Variants in NLRP9 observed in about 807,000 individuals in gnomAD.
The protein encoded by NLRP9 is NACHT, LRR and PYD domains-containing protein 9.
Under a neutral mutation model 83.1 loss-of-function variants are expected in NLRP9, and 88 were observed. That is an observed-to-expected ratio of 1.06 (90% confidence interval 0.89 to 1.26). NLRP9 has a LOEUF of 1.26. Ranked by LOEUF, NLRP9 falls within the 50% of genes most tolerant of loss-of-function variation. The pLI is 0.00. For missense variants in NLRP9, 1,308 were observed against 1,179.3 expected (o/e 1.11, Z -1.60); for synonymous variants, 521 against 447.6 (o/e 1.16, Z -2.07).
In NLRP9 at chr19:55,716,786, C is replaced by G. The variant is rs760516432; in HGVS notation, c.2272G>C (p.Gly758Arg). ...AGGGCTTCACACAGCAACGTCATTC[C>G]TTCGTCCCTCAAGGGATTTTCTACC... ...SLVENPLRDEGMTLLCEALKH... is the reference protein window; with the variant it reads ...SLVENPLRDERMTLLCEALKH... The change falls in exon 5 of 9, where the codon GGA becomes CGA. Residue 758 changes from glycine to arginine, a missense_variant. Physicochemically the swap from Gly to Arg is moderately radical, Grantham distance 125. Coordinates refer to ENST00000332836, the MANE Select transcript of NLRP9 (RefSeq NM_176820.4). 1 of 1,613,926 alleles carries G rather than the reference C, an allele frequency of 6.2e-7. No homozygotes were observed. Among genetic ancestry groups the G allele is most frequent in the Non-Finnish European group, 8.5e-7 (1 of 1,179,932 alleles).
chr19:55,724,617 T>C (rs1988345135), intron 3 of NLRP9, among the ~76,000 whole-genome samples: 1 of 151,524 alleles, frequency 6.6e-6, no homozygotes, highest in Non-Finnish European at 1.5e-5. Flanking sequence ...AAAGAGACAA[T>C]GTTATGTAGT....
intron 1 of NLRP9, among the ~76,000 whole-genome samples, chr19:55,736,339 T>C (rs1025432351): frequency 6.6e-6 from 1 of 151,756 alleles, no homozygotes; most frequent in African/African-American, 2.4e-5. Flanking sequence ...TGCAGTGAGC[T>C]GAGATCGCGC....
Position 55,732,229 on chromosome 19 carries a change from T to C in NLRP9, c.1602A>G (p.Glu534=), listed in dbSNP as rs781547714. 2.5e-6 allele frequency: 4 copies of C among 1,614,062 alleles called. No individual in the cohort carries two copies. Among genetic ancestry groups the C allele is most frequent in the Non-Finnish European group, 3.4e-6 (4 of 1,179,892 alleles). Residue 534 remains glutamate (E), a synonymous_variant, in exon 2 of 9, where the codon GAA becomes GAG. Coordinates refer to ENST00000332836, the MANE Select transcript of NLRP9 (RefSeq NM_176820.4). ...GGAAAGCTATGGCTTCCCTATCAGC[T>C]TCACATTGACTTAAACTTTCAAGGC... is the stretch of plus-strand genomic sequence containing the variant. The part of the protein sequence containing the change: ...TQCLESLSQC[E]ADREAIAFQE...
In NLRP9 at chr19:55,732,051, GT is replaced by G. The variant is rs1217172985; in HGVS notation, c.1779del (p.Leu594PhefsTer42). On this transcript the variant is annotated frameshift_variant, in exon 2 of 9. Coordinates refer to ENST00000332836, the MANE Select transcript of NLRP9 (RefSeq NM_176820.4). LOFTEE classifies it high-confidence loss of function. ...FCLKHCQHLT[T>X]LRMCVENIFP... is the part of the protein sequence containing the mutation. ...AAGATATTCTCCACACACATGCGAA[GT>G]GTCGTTAAATGTTGACAATGCTTCA... 6.2e-7 allele frequency: 1 copy of G among 1,602,230 alleles called. No individual in the cohort carries two copies. The highest frequency in any genetic ancestry group is 1.3e-5 in the African/African-American group (1 of 74,196).
chr19:55,734,534 T>TAC (rs35129981), intron 1 of NLRP9, among the ~76,000 whole-genome samples: 48,247 of 140,322 alleles, frequency 0.34, 8,107 homozygotes, highest in South Asian at 0.55. Context: ...CACATATATA[T>TAC]ATATATATAC....
chr19:55,710,012 C>G (rs1290725102), intron 8 of NLRP9, among the ~76,000 whole-genome samples: 1 of 152,152 alleles, frequency 6.6e-6, no homozygotes, highest in African/African-American at 2.4e-5. Flanking sequence ...GGAGGATTAG[C>G]AGGTCACAAA....
Position 55,709,244 on chromosome 19 carries a change from T to C in NLRP9, c.2844-200A>G, listed in dbSNP as rs556519978. 2.7e-4 allele frequency: 106 copies of C among 389,326 alleles called. 2 individuals carry two copies. In the East Asian group the frequency reaches 4.3e-3, roughly 16 times the overall value. The allele number at this position is 389,326 out of a possible 1,614,324, so 24.1% of individuals were successfully genotyped here. On this transcript the variant is annotated intron_variant, in intron 8 of 8. Transcript: ENST00000332836. ...CTGATTTATACCATAAAGTGAAATT[T>C]CATATACAGGATGTATCAATTAAGA...
At chr19:55,709,812 C>G (rs1437686686) in intron 8 of NLRP9, 1 of 152,162 alleles carries the variant, frequency 6.6e-6, no homozygotes, top group East Asian at 1.9e-4. Flanking sequence ...TTTATAACTT[C>G]TAAATGTTCT....
At position 55,735,413 on chromosome 19, in the gene NLRP9, C is replaced by T. The variant is rs893863800; in HGVS notation, c.281-1863G>A. ...GACGAGCTTGGCCAACATAGTGAGA[C>T]TCCATCTCTATTAAAAAATTAAATT... On this transcript the variant is annotated intron_variant, in intron 1 of 8. Transcript: ENST00000332836. Among the ~76,000 whole-genome samples the T allele has an allele frequency of 3.9e-5, 6 of 152,198 alleles. 1 individual carries two copies. Among genetic ancestry groups the T allele is most frequent in the Admixed American group, 6.5e-5 (1 of 15,282 alleles).
At chr19:55,719,440 G>A (rs187106713) in intron 4 of NLRP9, among the ~76,000 whole-genome samples, 62 of 152,272 alleles carry the variant, frequency 4.1e-4, no homozygotes, top group African/African-American at 1.4e-3. Flanking sequence ...GGTGTGATCC[G>A]CCATGCCCGG....
intron 7 of NLRP9, 87 bp downstream of exon 7, chr19:55,712,333 G>A (rs1033148631): frequency 3.4e-6 from 4 of 1,164,300 alleles, no homozygotes; most frequent in Non-Finnish European, 5.0e-6. Flanking sequence ...TTTTAAACCT[G>A]CCTCCCTTCC....
intron 4 of NLRP9, 74 bp downstream of exon 4, chr19:55,723,906 G>T: frequency 8.1e-7 from 1 of 1,228,222 alleles, no homozygotes; most frequent in Non-Finnish European, 1.2e-6. Context: ...CCTCCAGGAA[G>T]GAAAACAAGA....
intron 2 of NLRP9, among the ~76,000 whole-genome samples, chr19:55,731,590 G>A (rs1034221370): frequency 2.6e-5 from 4 of 151,916 alleles, no homozygotes; most frequent in African/African-American, 9.7e-5. Flanking sequence ...CGGGCGTGGT[G>A]GCGGGCACCT....
At position 55,732,434 on chromosome 19, in the gene NLRP9, G is replaced by T. The variant is rs761831252; in HGVS notation, c.1397C>A (p.Pro466His). The T allele has an allele frequency of 6.2e-7, 1 of 1,614,224 alleles. No individual in the cohort carries two copies. The highest frequency in any genetic ancestry group is 8.5e-7 in the Non-Finnish European group (1 of 1,180,046). Residue 466 changes from proline (P) to histidine (H), a missense_variant, in exon 2 of 9, where the codon CCT becomes CAT. By Grantham distance (77) the Pro-to-His change is moderately conservative (BLOSUM62 -2). Transcript: ENST00000332836. ...GGTTATGCTTCCAATGGCCGGGTTAGGATCGTCTTTGGGTCGTTTGAGCAA... is the reference window on the plus strand; with the variant it reads ...GGTTATGCTTCCAATGGCCGGGTTATGATCGTCTTTGGGTCGTTTGAGCAA... ...FYLLKRPKDD[P>H]NPAIGSITQL...
Position 55,708,813 on chromosome 19 carries a change from G to A in NLRP9, c.*99C>T. ...GGAGTACCTCTGAAATCACAGCCCTGCTGCCATGATGTGCAATTACAGGAT... is the reference window on the plus strand; with the variant it reads ...GGAGTACCTCTGAAATCACAGCCCTACTGCCATGATGTGCAATTACAGGAT... On this transcript the variant is annotated 3_prime_UTR_variant, in exon 9 of 9. Transcript: ENST00000332836. 1 of 776,502 alleles carries A rather than the reference G, an allele frequency of 1.3e-6. No homozygotes were observed. Among genetic ancestry groups the A allele is most frequent in the Non-Finnish European group, 2.0e-6 (1 of 499,350 alleles). 48.1% of individuals were successfully genotyped at this position (776,502 alleles called of 1,614,324 possible).
intron 1 of NLRP9, among the ~76,000 whole-genome samples, chr19:55,735,138 C>T (rs1385858886): frequency 6.6e-6 from 1 of 152,214 alleles, no homozygotes; most frequent in Non-Finnish European, 1.5e-5. Context: ...ATGGTCTGTG[C>T]TCTCCTTGCA....
At position 55,711,964 on chromosome 19, in the gene NLRP9, T is replaced by C; in HGVS notation, c.2679A>G (p.Gln893=). 6.2e-7 allele frequency: 1 copy of C among 1,612,364 alleles called. No individual in the cohort carries two copies. Among genetic ancestry groups the C allele is most frequent in the Non-Finnish European group, 8.5e-7 (1 of 1,179,416 alleles). ...PHCKLECLGL[Q]TCPITRACCD... is the part of the protein sequence containing the mutation. The stretch of plus-strand genomic sequence containing the variant: ...AGCAGGCACGGGTGATCGGACACGT[T>C]TGCAGCCTGCAAAAGGGAAACACAC... Residue 893 remains glutamine, a synonymous_variant, in exon 8 of 9, where the codon CAA becomes CAG. Transcript: ENST00000332836.
chr19:55,711,160 A>AT (rs1197370587), intron 8 of NLRP9, among the ~76,000 whole-genome samples: 4 of 152,246 alleles, frequency 2.6e-5, no homozygotes, highest in Non-Finnish European at 4.4e-5. Flanking sequence ...AGACACTAGC[A>AT]TAATGAATTC....
At chr19:55,738,064 A>G (rs771503642) in intron 1 of NLRP9, 31 bp downstream of exon 1, 4 of 1,609,166 alleles carry the variant, frequency 2.5e-6, no homozygotes, top group Non-Finnish European at 3.4e-6. Context: ...GGCTTCCCCC[A>G]TGGGTCCTCG....
Sources: gnomAD v4.1 joint callset for allele counts (sites outside exome capture counted in the v4.1 genomes callset) on GRCh38, gnomAD v4.1.1 for gene constraint, MANE v1.5 for transcripts, NCBI Gene and HGNC (gene_info 2026-07-23, HGNC 2026-07-21) for gene names.